RMDN2: variants seen among roughly 807,000 people sequenced by gnomAD.
RMDN2 encodes regulator of microtubule dynamics protein 2.
RMDN2 carries 61 observed loss-of-function variants against 52.8 expected under a neutral mutation model. That is an observed-to-expected ratio of 1.16 (90% CI 0.94 to 1.43). The LOEUF (loss-of-function observed/expected upper bound fraction) is 1.43, where lower values mean the gene tolerates loss of function less well. Among genes scored for constraint, RMDN2 ranks in the 40% most tolerant of loss-of-function variants. The pLI is 0.00. For missense variants in RMDN2, 592 were observed against 475.3 expected (o/e 1.25, Z -2.28); for synonymous variants, 180 against 153.1 (o/e 1.18, Z -1.30).
chr2:37,988,702 G>A (rs911885388), intron 5 of RMDN2, among the ~76,000 whole-genome samples: 8 of 152,046 alleles, frequency 5.3e-5, no homozygotes, highest in Admixed American at 3.3e-4. Flanking sequence ...ACACCTACTC[G>A]AAATATTTAA....
intron 2 of RMDN2, among the ~76,000 whole-genome samples, chr2:37,945,467 C>G (rs1194010588): frequency 6.6e-6 from 1 of 152,164 alleles, no homozygotes. Flanking sequence ...TGTCCAACAT[C>G]CATTCACTCT....
At chr2:38,020,575 G>A (rs1324715745), downstream of RMDN2, among the ~76,000 whole-genome samples, 2 of 152,230 alleles carry the variant, frequency 1.3e-5, no homozygotes, top group Non-Finnish European at 2.9e-5. Flanking sequence ...AGTTCCGGGT[G>A]GGCGTGGGCT....
chr2:38,004,289 C>A, intron 10 of RMDN2, 73 bp downstream of exon 10: 1 of 959,748 alleles, frequency 1.0e-6, no homozygotes, highest in Non-Finnish European at 1.7e-6. Flanking sequence ...GAATAACTCG[C>A]TTAGATACAT....
At chr2:38,003,600 A>ATAGATAGATAGATAGATAGG (rs1311628817) in intron 8 of RMDN2, among the ~76,000 whole-genome samples, 1 of 150,750 alleles carries the variant, frequency 6.6e-6, no homozygotes, top group African/African-American at 2.4e-5. Context: ...AGATAGATAG[A>ATAGATAGATAGATAGATAGG]TAGGCAGACA....
intron 10 of RMDN2, among the ~76,000 whole-genome samples, chr2:38,031,304 C>G (rs544823809): frequency 2.1e-5 from 3 of 145,750 alleles, no homozygotes; most frequent in African/African-American, 7.7e-5. Flanking sequence ...GCCATGTTGC[C>G]CAGGCTGGAG....
chr2:38,034,158 G>C (rs368208979), intron 10 of RMDN2, among the ~76,000 whole-genome samples: 4 of 152,226 alleles, frequency 2.6e-5, no homozygotes, highest in African/African-American at 9.6e-5. Context: ...TAGGAGGTCA[G>C]GTTTCTTCCC....
At chr2:38,061,068 T>C (rs1354944580) in intron 10 of RMDN2, among the ~76,000 whole-genome samples, 6 of 152,146 alleles carry the variant, frequency 3.9e-5, no homozygotes, top group Non-Finnish European at 8.8e-5. Context: ...TTTTAAATTA[T>C]ATTTAAAGGC....
At chr2:37,952,344 T>C in intron 2 of RMDN2, 3 of 717,686 alleles carry the variant, frequency 4.2e-6, no homozygotes. Context: ...GATTCCTACA[T>C]TGCAGTGTAA....
chr2:37,944,016 C>T (rs776204819), intron 2 of RMDN2, among the ~76,000 whole-genome samples: 1 of 152,034 alleles, frequency 6.6e-6, no homozygotes, highest in Admixed American at 6.6e-5. Context: ...ATTGAAATTA[C>T]CAGGCACAGA....
At chr2:37,958,401 G>C (rs1669770409) in intron 2 of RMDN2, among the ~76,000 whole-genome samples, 1 of 143,990 alleles carries the variant, frequency 6.9e-6, no homozygotes, top group Non-Finnish European at 1.5e-5. Flanking sequence ...TATTCTATTT[G>C]TAGCAATTGT....
At chr2:38,062,694 A>G (rs1243512792) in intron 10 of RMDN2, among the ~76,000 whole-genome samples, 2 of 151,866 alleles carry the variant, frequency 1.3e-5, no homozygotes, top group South Asian at 2.1e-4. Flanking sequence ...GTATACATGT[A>G]CCATGTTGGT....
chr2:38,050,355 AAAAT>A (rs1294085861), intron 10 of RMDN2, among the ~76,000 whole-genome samples: 1 of 151,608 alleles, frequency 6.6e-6, no homozygotes, highest in African/African-American at 2.4e-5. Context: ...ATTAAAAAAA[AAAAT>A]AAAAAAAAAA....
chr2:37,931,710 A>G (rs1221544297), intron 2 of RMDN2, among the ~76,000 whole-genome samples: 1 of 152,252 alleles, frequency 6.6e-6, no homozygotes, highest in Non-Finnish European at 1.5e-5. Context: ...AATTTCAAGT[A>G]ATGGTGTAGG....
At chr2:37,927,687 C>A (rs975678290) in intron 1 of RMDN2, among the ~76,000 whole-genome samples, 4 of 152,086 alleles carry the variant, frequency 2.6e-5, no homozygotes, top group African/African-American at 9.7e-5. Flanking sequence ...ATTTTATTGA[C>A]AAAAATAAAG....
intron 2 of RMDN2, among the ~76,000 whole-genome samples, chr2:37,967,345 A>G (rs766219104): frequency 1.3e-5 from 2 of 152,244 alleles, no homozygotes; most frequent in African/African-American, 2.4e-5. Context: ...GAAATTATTA[A>G]CAAGTGGGAT....
intron 2 of RMDN2, among the ~76,000 whole-genome samples, chr2:37,973,209 G>A (rs903937939): frequency 1.3e-5 from 2 of 152,068 alleles, no homozygotes; most frequent in African/African-American, 4.8e-5. Flanking sequence ...TTTTAGAACA[G>A]GCAGAGTCTG....
At chr2:37,955,364 A>C (rs912494463) in intron 2 of RMDN2, among the ~76,000 whole-genome samples, 4 of 152,080 alleles carry the variant, frequency 2.6e-5, no homozygotes, top group African/African-American at 9.7e-5. Flanking sequence ...GAAGCAGTTA[A>C]TTTTTATTCC....
intron 2 of RMDN2, among the ~76,000 whole-genome samples, chr2:37,943,579 A>T (rs1323870745): frequency 6.6e-6 from 1 of 152,256 alleles, no homozygotes; most frequent in Non-Finnish European, 1.5e-5. Flanking sequence ...AATTCTTTTA[A>T]AAAATGAATT....
At chr2:38,006,101 T>C (rs1339601554) in intron 10 of RMDN2, among the ~76,000 whole-genome samples, 5 of 152,238 alleles carry the variant, frequency 3.3e-5, no homozygotes, top group Non-Finnish European at 7.3e-5. Context: ...TTTTGGTGAC[T>C]GTAGCCTTGT....
Sources: allele counts gnomAD v4.1 joint callset (sites outside exome capture counted in the v4.1 genomes callset), GRCh38; gene constraint gnomAD v4.1.1; transcripts MANE v1.5; gene names NCBI Gene and HGNC (gene_info 2026-07-23, HGNC 2026-07-21).